The following FBXW11 variants were observed in gnomAD, a reference collection of about 807,000 sequenced individuals.
The protein encoded by FBXW11 is F-box and WD repeat domain containing 11, also known as F-box/WD repeat-containing protein 11.
In FBXW11, 19 loss-of-function variants were observed where a neutral mutation model predicts 77.6. That is an observed-to-expected ratio of 0.24 (90% CI 0.17 to 0.36). The LOEUF is 0.36. FBXW11 is among the 10% of genes least tolerant of loss of function. FBXW11 has a pLI of 1.00. For synonymous variants in FBXW11, 235 were observed against 249.4 expected (o/e 0.94, Z 0.54); for missense variants, 334 against 704.2 (o/e 0.47, Z 5.95).
intron 1 of FBXW11, among the ~76,000 whole-genome samples, chr5:171,986,604 G>A (rs1210451345): frequency 6.6e-6 from 1 of 152,018 alleles, no homozygotes; most frequent in Admixed American, 6.6e-5. Flanking sequence ...GTGTGCGCCT[G>A]TAGTCCCAGC....
At chr5:171,998,334 G>GTTTTTTTTTTTTT (rs1766187822) in intron 1 of FBXW11, among the ~76,000 whole-genome samples, 12 of 107,852 alleles carry the variant, frequency 1.1e-4, no homozygotes, top group African/African-American at 2.1e-4. Context: ...TTTTTTTCTT[G>GTTTTTTTTTTTTT]TCTTTTTTTT....
At chr5:171,912,566 T>G (rs839291) in intron 3 of FBXW11, among the ~76,000 whole-genome samples, 1 of 152,092 alleles carries the variant, frequency 6.6e-6, no homozygotes, top group Non-Finnish European at 1.5e-5. Flanking sequence ...AAATTCTAAC[T>G]CATCACCATT....
rs138423567 is a variant in FBXW11 at position 171,878,603 on chromosome 5, A to AGAGAGTGTGT, written c.853-475_853-474insACACACTCTC. 4.4e-4 allele frequency among the ~76,000 whole-genome samples: 57 copies of AGAGAGTGTGT among 128,580 alleles called. 1 individual carries two copies. The highest frequency in any genetic ancestry group is 1.6e-3 in the African/African-American group (54 of 33,926). The allele number at this position is 128,580 out of a possible 152,430, so 84.4% of individuals were successfully genotyped here. ...GTGTGTGTGTGTGTAAGAGAGAGAGAGTGTGTGTGTGTGTGTGTGTGTGTG... is the reference window on the plus strand; with the variant it reads ...GTGTGTGTGTGTGTAAGAGAGAGAGAGAGAGTGTGTGTGTGTGTGTGTGTGTGTGTGTGTG... On this transcript the variant is annotated intron_variant, in intron 7 of 13. Transcript: ENST00000517395.
intron 2 of FBXW11, among the ~76,000 whole-genome samples, chr5:171,917,739 T>C (rs1403903918): frequency 9.9e-5 from 15 of 150,842 alleles, no homozygotes; most frequent in African/African-American, 2.9e-4. Context: ...AGAAATGCTA[T>C]ACACATCCTT....
At chr5:171,875,927 C>T (rs960511071) in intron 9 of FBXW11, among the ~76,000 whole-genome samples, 4 of 152,190 alleles carry the variant, frequency 2.6e-5, no homozygotes, top group African/African-American at 9.7e-5. Context: ...CTCTCTGAGC[C>T]AGATGTGTAA....
chr5:171,868,933 G>A (rs1757596256), intron 12 of FBXW11, 137 bp from the exon 13 acceptor site: 2 of 666,206 alleles, frequency 3.0e-6, no homozygotes, highest in African/African-American at 1.9e-5. Context: ...TCACTGAACT[G>A]TGTCCTTCAT....
At chr5:171,945,261 A>G (rs993866985) in intron 2 of FBXW11, among the ~76,000 whole-genome samples, 2 of 152,262 alleles carry the variant, frequency 1.3e-5, no homozygotes, top group Non-Finnish European at 2.9e-5. Flanking sequence ...CTGGTATAAC[A>G]ACATAAATAG....
chr5:171,968,099 C>T (rs1159546662), intron 1 of FBXW11, among the ~76,000 whole-genome samples: 1 of 152,000 alleles, frequency 6.6e-6, no homozygotes, highest in African/African-American at 2.4e-5. Context: ...TAGCAACTTG[C>T]CCCCTGACTG....
chr5:171,955,160 G>A (rs1432897), intron 2 of FBXW11, among the ~76,000 whole-genome samples: 1,885 of 152,272 alleles, frequency 0.012, 38 homozygotes, highest in African/African-American at 0.042. Context: ...AGAAACTTCC[G>A]GAATGGGTAA....
chr5:171,967,881 T>TACACACACAC (rs1284088153), intron 1 of FBXW11, among the ~76,000 whole-genome samples: 2 of 64,928 alleles, frequency 3.1e-5, no homozygotes, highest in African/African-American at 1.3e-4. Flanking sequence ...TATATATATA[T>TACACACACAC]ATACACACAC....
At chr5:171,951,679 C>T (rs530177288) in intron 2 of FBXW11, among the ~76,000 whole-genome samples, 9 of 152,118 alleles carry the variant, frequency 5.9e-5, no homozygotes, top group Non-Finnish European at 7.4e-5. Context: ...TTAGTAGAGA[C>T]GGGGTTTCAC....
chr5:172,002,414 A>ATGTGTGTGTGTGTGTGTGTGTG (rs55720474), intron 1 of FBXW11, among the ~76,000 whole-genome samples: 1 of 143,980 alleles, frequency 6.9e-6, no homozygotes, highest in African/African-American at 2.6e-5. Flanking sequence ...TTTTATATAA[A>ATGTGTGTGTGTGTGTGTGTGTG]TGTGTGTGTG....
chr5:171,895,751 G>A (rs539436618), intron 6 of FBXW11, among the ~76,000 whole-genome samples: 1 of 152,328 alleles, frequency 6.6e-6, no homozygotes, highest in East Asian at 1.9e-4. Context: ...TTGACAATTC[G>A]AGGATTAAAT....
intron 2 of FBXW11, among the ~76,000 whole-genome samples, chr5:171,956,042 C>T (rs563314788): frequency 2.1e-4 from 32 of 152,288 alleles, no homozygotes; most frequent in Non-Finnish European, 4.0e-4. Context: ...AAAGAATCCG[C>T]ACTTCAAGAC....
At chr5:171,965,893 A>AT (rs1764159368) in intron 1 of FBXW11, among the ~76,000 whole-genome samples, 1 of 152,058 alleles carries the variant, frequency 6.6e-6, no homozygotes, top group Admixed American at 6.6e-5. Flanking sequence ...TGGTTGACTC[A>AT]TGGGGGTAGA....
At chr5:171,931,844 CCTCCCTCCCTCCCTCCCTCTCTCT>C (rs1762211555) in intron 2 of FBXW11, among the ~76,000 whole-genome samples, 2 of 13,654 alleles carry the variant, frequency 1.5e-4, no homozygotes, top group African/African-American at 6.0e-4. Flanking sequence ...TCCCTCCCTC[CCTCCCTCCCTCCCTCCCTCTCTCT>C]CTCTCTCTCT....
At chr5:171,963,360 T>TA (rs1354673681) in intron 1 of FBXW11, among the ~76,000 whole-genome samples, 2 of 151,724 alleles carry the variant, frequency 1.3e-5, no homozygotes, top group African/African-American at 4.8e-5. Flanking sequence ...GCCAAAGAGG[T>TA]AAAAAATGAA....
intron 9 of FBXW11, among the ~76,000 whole-genome samples, chr5:171,875,826 C>T (rs1758042767): frequency 1.3e-5 from 2 of 152,140 alleles, no homozygotes; most frequent in Non-Finnish European, 2.9e-5. Context: ...CCAGAGTCCA[C>T]CGCACTGCGA....
chr5:171,978,524 T>A (rs1047369994), intron 1 of FBXW11, among the ~76,000 whole-genome samples: 13 of 151,344 alleles, frequency 8.6e-5, no homozygotes, highest in Non-Finnish European at 8.8e-5. Flanking sequence ...GTAGTAGGAG[T>A]GAGAGTCCTT....
Sources: gnomAD v4.1 joint callset for allele counts (sites outside exome capture counted in the v4.1 genomes callset) on GRCh38, gnomAD v4.1.1 for gene constraint, MANE v1.5 for transcripts, NCBI Gene and HGNC (gene_info 2026-07-23, HGNC 2026-07-21) for gene names.